Variants in RBFOX1 observed in about 807,000 individuals in gnomAD.
RBFOX1 encodes the protein RNA binding fox-1 homolog 1.
A neutral mutation model predicts 57.7 loss-of-function variants in RBFOX1; 8 were observed. The observed-to-expected ratio is 0.14, with a 90% CI of 0.08 to 0.25. The LOEUF (loss-of-function observed/expected upper bound fraction) is 0.25. RBFOX1 is among the 10% of genes least tolerant of loss of function. The pLI is 1.00. For synonymous variants in RBFOX1, 326 were observed against 222.4 expected (o/e 1.47, Z -4.15); for missense variants, 611 against 548.5 (o/e 1.11, Z -1.14).
chr16:6,512,296 A>AAAAAAAAAAAAAAAAAAAAAAAAAC (rs2096271423), intron 2 of RBFOX1, among the ~76,000 whole-genome samples: 1 of 149,750 alleles, frequency 6.7e-6, no homozygotes, highest in Non-Finnish European at 1.5e-5. Flanking sequence ...AAAAAAAAAA[A>AAAAAAAAAAAAAAAAAAAAAAAAAC]AAAGGTAAGA....
At chr16:6,635,625 C>A (rs557635320) in intron 2 of RBFOX1, among the ~76,000 whole-genome samples, 1 of 152,198 alleles carries the variant, frequency 6.6e-6, no homozygotes, top group East Asian at 1.9e-4. Context: ...GAATATGAGT[C>A]TAGGAAGGAA....
Position 7,101,318 on chromosome 16 carries a change from G to C in RBFOX1, c.27+49220G>C, listed in dbSNP as rs141122958. ...AATACATGACACACCATTGCGCTTG[G>C]AGAAAATGCTATTCATTGAAAATAA... On this transcript the variant is annotated intron_variant, in intron 4 of 15. Transcript: ENST00000550418. 2.8e-4 allele frequency among the ~76,000 whole-genome samples: 43 copies of C among 152,264 alleles called. No individual in the cohort carries two copies. In the East Asian group the frequency reaches 8.3e-3, roughly 29 times the overall value.
At chr16:6,056,841 A>C (rs923541323) in intron 1 of RBFOX1, 13 of 39,400 alleles carry the variant, frequency 3.3e-4, no homozygotes, top group Admixed American at 1.2e-3. Context: ...AAGACTTAAG[A>C]CTTTTTTTTT....
chr16:6,851,464 T>A (rs180779167), intron 3 of RBFOX1, among the ~76,000 whole-genome samples: 1 of 152,198 alleles, frequency 6.6e-6, no homozygotes, highest in Non-Finnish European at 1.5e-5. Flanking sequence ...TCTCAAAAAG[T>A]TTAATTTTTA....
At position 7,660,294 on chromosome 16, in the gene RBFOX1, T is replaced by C. The variant is rs542800816; in HGVS notation, c.891-4635T>C. 1.4e-4 allele frequency among the ~76,000 whole-genome samples: 21 copies of C among 152,346 alleles called. No individual in the cohort carries two copies. The East Asian group carries it at 1.5e-3, about 11-fold the overall frequency. ...AAAAGCACATTGAGTCCCGATGTGA[T>C]TGACAAACAATACAAGTACCTTTGC... On this transcript the variant is annotated intron_variant, in intron 12 of 15. Coordinates refer to ENST00000550418, the MANE Select transcript of RBFOX1 (RefSeq NM_018723.4).
intron 5 of RBFOX1, among the ~76,000 whole-genome samples, chr16:7,570,420 T>C (rs1245685906): frequency 6.6e-6 from 1 of 152,248 alleles, no homozygotes; most frequent in Non-Finnish European, 1.5e-5. Context: ...TGTATTCTGA[T>C]TTCTACTGAC....
intron 1 of RBFOX1, among the ~76,000 whole-genome samples, chr16:5,455,670 A>G (rs73526886): frequency 6.6e-6 from 1 of 152,134 alleles, no homozygotes; most frequent in East Asian, 1.9e-4. Flanking sequence ...CTCTCCATGC[A>G]TATGATTTTC....
intron 2 of RBFOX1, among the ~76,000 whole-genome samples, chr16:6,629,112 G>T (rs1412128233): frequency 6.6e-6 from 1 of 152,196 alleles, no homozygotes; most frequent in East Asian, 1.9e-4. Flanking sequence ...TTTTGTGTGT[G>T]TATATGTGTA....
chr16:7,678,619 G>C (rs1038499960), intron 14 of RBFOX1, among the ~76,000 whole-genome samples: 5 of 150,854 alleles, frequency 3.3e-5, no homozygotes, highest in African/African-American at 7.3e-5. Flanking sequence ...CTATCCCCAA[G>C]TTGAAAAAAA....
At chr16:7,660,778 C>T (rs1372248475) in intron 12 of RBFOX1, among the ~76,000 whole-genome samples, 1 of 152,198 alleles carries the variant, frequency 6.6e-6, no homozygotes, top group African/African-American at 2.4e-5. Context: ...GTTGGCTGGG[C>T]ATGGGGCCCA....
chr16:6,735,629 C>G (rs1267786524), intron 3 of RBFOX1, among the ~76,000 whole-genome samples: 2 of 152,156 alleles, frequency 1.3e-5, no homozygotes, highest in Non-Finnish European at 2.9e-5. Context: ...AGTTGTGTAA[C>G]ATTGGATCGA....
rs531327896 is a variant in RBFOX1, at chr16:5,635,996, G to A, written c.318+37035G>A. On this transcript the variant is annotated intron_variant, in intron 3 of 19. Transcript: ENST00000641259. ...GTCCAAGGTGGGAGGATTTCCTGAG[G>A]CCAGCAGTTTTAGACTAGTCTGGGC... Among the ~76,000 whole-genome samples, 207 of 152,152 alleles carry A rather than the reference G, an allele frequency of 1.4e-3. 1 individual carries two copies. Among genetic ancestry groups the A allele is most frequent in the African/African-American group, 4.5e-3 (187 of 41,488 alleles).
chr16:7,307,037 C>A (rs1603617204), intron 4 of RBFOX1, among the ~76,000 whole-genome samples: 1 of 152,090 alleles, frequency 6.6e-6, no homozygotes, highest in Non-Finnish European at 1.5e-5. Flanking sequence ...ATAAGTAACA[C>A]CTTCACTGAA....
At chr16:6,406,917 C>T (rs186520467) in intron 2 of RBFOX1, among the ~76,000 whole-genome samples, 183 of 152,190 alleles carry the variant, frequency 1.2e-3, no homozygotes, top group Non-Finnish European at 1.9e-3. Flanking sequence ...TGTGTGACTA[C>T]GGAAAAAACA....
At chr16:5,304,752 C>T (rs57641087) in intron 1 of RBFOX1, among the ~76,000 whole-genome samples, 84,230 of 151,848 alleles carry the variant, frequency 0.55, 26,637 homozygotes, top group South Asian at 0.73. Context: ...GTCATGAGAG[C>T]GATGAAGGAA....
At chr16:6,067,072 C>G (rs2095774821) in intron 1 of RBFOX1, among the ~76,000 whole-genome samples, 1 of 152,120 alleles carries the variant, frequency 6.6e-6, no homozygotes, top group Non-Finnish European at 1.5e-5. Flanking sequence ...ATGGGAAATG[C>G]AATGGAAAAG....
chr16:6,834,769 G>C (rs1162531846), intron 3 of RBFOX1, among the ~76,000 whole-genome samples: 2 of 152,126 alleles, frequency 1.3e-5, no homozygotes, highest in Non-Finnish European at 2.9e-5. Context: ...ATTTACTCAG[G>C]TAACTGTGGC....
intron 1 of RBFOX1, among the ~76,000 whole-genome samples, chr16:5,243,216 AT>A (rs1457902608): frequency 6.6e-6 from 1 of 152,124 alleles, no homozygotes; most frequent in Non-Finnish European, 1.5e-5. Context: ...AACCTTAACC[AT>A]TTGTTGAGCC....
intron 3 of RBFOX1, among the ~76,000 whole-genome samples, chr16:6,822,186 A>C (rs1373506387): frequency 3.9e-5 from 6 of 151,964 alleles, no homozygotes; most frequent in Non-Finnish European, 8.8e-5. Context: ...AAGAGGGGAG[A>C]ATGATGGATG....
Sources: gnomAD v4.1 joint callset for allele counts (sites outside exome capture counted in the v4.1 genomes callset) on GRCh38, gnomAD v4.1.1 for gene constraint, MANE v1.5 for transcripts, NCBI Gene and HGNC (gene_info 2026-07-23, HGNC 2026-07-21) for gene names.